The following TSNARE1 variants were observed in gnomAD, a reference collection of about 807,000 sequenced individuals.
TSNARE1 encodes the protein t-SNARE domain-containing protein 1.
In TSNARE1, 49 loss-of-function variants were observed where a neutral mutation model predicts 62.0. The observed-to-expected ratio is 0.79, with a 90% CI of 0.63 to 1.00. The LOEUF is 1.00. Ranked by LOEUF, TSNARE1 falls within the 50% of genes least tolerant of loss-of-function variation. TSNARE1 has a pLI of 0.00. For missense variants in TSNARE1, 755 were observed against 700.1 expected (o/e 1.08, Z -0.88); for synonymous variants, 328 against 294.4 (o/e 1.11, Z -1.17).
At chr8:142,222,441 A>C (rs1221464386) in intron 13 of TSNARE1, among the ~76,000 whole-genome samples, 688 of 41,768 alleles carry the variant, frequency 0.016, no homozygotes, top group African/African-American at 0.026. Context: ...CTCATCCACT[A>C]ATTCACTCAC....
chr8:142,281,632 G>T (rs574673767), intron 11 of TSNARE1, among the ~76,000 whole-genome samples: 1 of 152,076 alleles, frequency 6.6e-6, no homozygotes, highest in South Asian at 2.1e-4. Context: ...AGGGTTAAGG[G>T]GACCCAGAGC....
At chr8:142,219,650 C>T (rs1816111444) in intron 13 of TSNARE1, among the ~76,000 whole-genome samples, 1 of 152,220 alleles carries the variant, frequency 6.6e-6, no homozygotes, top group Non-Finnish European at 1.5e-5. Context: ...CTCCCCTCAC[C>T]TGCCTTCCTG....
chr8:142,220,508 T>C (rs10216862), intron 13 of TSNARE1, among the ~76,000 whole-genome samples: 136,260 of 152,154 alleles, frequency 0.9, 61,093 homozygotes, highest in Non-Finnish European at 0.92. Flanking sequence ...TCTCACACCC[T>C]GAGGGCAGGG....
Position 142,318,607 on chromosome 8 carries a change from CTTG to C in TSNARE1, c.918_920del (p.Asn306del), listed in dbSNP as rs748384238. On this transcript the variant is annotated inframe_deletion, in exon 7 of 14. Transcript: ENST00000524325. The stretch of plus-strand genomic sequence containing the variant: ...CGGAGCTGGCGCTGGCTGCAATGGT[CTTG>C]TTGGTCTCCTGCTGTGCCGTGTGCC... 6.2e-7 allele frequency: 1 copy of C among 1,613,764 alleles called. No homozygotes were observed. Among genetic ancestry groups the C allele is most frequent in the African/African-American group, 1.3e-5 (1 of 75,012 alleles).
intron 4 of TSNARE1, among the ~76,000 whole-genome samples, chr8:142,340,492 G>T (rs977965766): frequency 6.6e-6 from 1 of 152,222 alleles, no homozygotes; most frequent in African/African-American, 2.4e-5. Context: ...AGGTGGAAAC[G>T]CTCTGGAATT....
intron 11 of TSNARE1, among the ~76,000 whole-genome samples, chr8:142,278,977 C>T (rs1468542940): frequency 6.6e-6 from 1 of 152,232 alleles, no homozygotes; most frequent in East Asian, 1.9e-4. Context: ...GGAGCTATGT[C>T]AAGGGCCAGC....
intron 12 of TSNARE1, chr8:142,270,420 A>G (rs1819419441): frequency 1.0e-6 from 1 of 985,260 alleles, no homozygotes; most frequent in Non-Finnish European, 1.2e-6. Flanking sequence ...ACTTTTTGCA[A>G]GAAAAATCTA....
chr8:142,311,808 C>A (rs1328041782), intron 9 of TSNARE1, among the ~76,000 whole-genome samples: 1 of 152,060 alleles, frequency 6.6e-6, no homozygotes, highest in Non-Finnish European at 1.5e-5. Context: ...TTTTCTTATA[C>A]CCAGCCTTCT....
chr8:142,238,115 C>G (rs1300464302), intron 12 of TSNARE1, among the ~76,000 whole-genome samples: 1 of 152,152 alleles, frequency 6.6e-6, no homozygotes, highest in Non-Finnish European at 1.5e-5. Flanking sequence ...TACCCGCCCC[C>G]CCTCCACCCT....
intron 12 of TSNARE1, among the ~76,000 whole-genome samples, chr8:142,256,542 CCACCATCACCATCACCACCAT>C (rs1818588249): frequency 2.4e-5 from 1 of 41,846 alleles, no homozygotes; most frequent in Non-Finnish European, 9.5e-5. Context: ...ATCACCATCA[CCACCATCACCATCACCACCAT>C]CACCATCACC....
intron 12 of TSNARE1, chr8:142,274,311 C>A (rs1029410750): frequency 1.0e-6 from 1 of 985,310 alleles, no homozygotes; most frequent in Non-Finnish European, 1.2e-6. Flanking sequence ...CAGTGAGTGG[C>A]TAGTCCTCAA....
In TSNARE1 at chr8:142,282,393, T is replaced by C. The variant is rs1821666745; in HGVS notation, c.1363+2020A>G. The stretch of plus-strand genomic sequence containing the variant: ...CGAGCGGAGCAGGGACCAGCGTCTG[T>C]CAATGATCAGGGTGGGGCCAGTGTC... On this transcript the variant is annotated intron_variant, in intron 11 of 13. Transcript: ENST00000524325. Among the ~76,000 whole-genome samples, 3 of 152,028 alleles carry C rather than the reference T, an allele frequency of 2.0e-5. No homozygotes were observed. In the South Asian group the frequency reaches 6.2e-4, roughly 31 times the overall value.
chr8:142,273,434 C>T, intron 12 of TSNARE1: 21 of 985,412 alleles, frequency 2.1e-5, no homozygotes, highest in Non-Finnish European at 2.4e-5. Context: ...CCTAGCTGCC[C>T]TCAGCGACTA....
At chr8:142,215,613 A>C (rs536570939) in intron 13 of TSNARE1, among the ~76,000 whole-genome samples, 20 of 152,190 alleles carry the variant, frequency 1.3e-4, no homozygotes, top group African/African-American at 4.6e-4. Context: ...CCCGTGACCT[A>C]CCAGGGAGTC....
intron 13 of TSNARE1, among the ~76,000 whole-genome samples, chr8:142,219,416 C>A (rs1467505883): frequency 6.6e-6 from 1 of 151,862 alleles, no homozygotes; most frequent in East Asian, 1.9e-4. Context: ...AGGTCGGGTC[C>A]CGGTATCTGC....
intron 1 of TSNARE1, among the ~76,000 whole-genome samples, chr8:142,385,284 C>T (rs1837038081): frequency 6.6e-6 from 1 of 152,132 alleles, no homozygotes; most frequent in Non-Finnish European, 1.5e-5. Flanking sequence ...CAAACCACCC[C>T]GCAAGCCAAG....
At chr8:142,301,696 G>A (rs1825809011) in intron 9 of TSNARE1, among the ~76,000 whole-genome samples, 1 of 152,220 alleles carries the variant, frequency 6.6e-6, no homozygotes, top group Non-Finnish European at 1.5e-5. Flanking sequence ...GACAGGAAAA[G>A]GCACCGAGAA....
chr8:142,215,832 G>T (rs1563749071), intron 13 of TSNARE1, among the ~76,000 whole-genome samples: 1 of 152,218 alleles, frequency 6.6e-6, no homozygotes. Flanking sequence ...TCAGCATCTA[G>T]TGCAGGCCAC....
chr8:142,332,334 G>A (rs534164741), intron 4 of TSNARE1, among the ~76,000 whole-genome samples: 2 of 152,240 alleles, frequency 1.3e-5, no homozygotes, highest in South Asian at 4.2e-4. Context: ...GCCACACGCC[G>A]CACGGTTCCA....
Sources: gnomAD v4.1 joint callset for allele counts (sites outside exome capture counted in the v4.1 genomes callset) on GRCh38, gnomAD v4.1.1 for gene constraint, MANE v1.5 for transcripts, NCBI Gene and HGNC (gene_info 2026-07-23, HGNC 2026-07-21) for gene names.